C9orf85: variants seen among roughly 807,000 people sequenced by gnomAD.
C9orf85 encodes chromosome 9 open reading frame 85, also known as uncharacterized protein C9orf85.
In C9orf85, 16 loss-of-function variants were observed where a neutral mutation model predicts 14.9. The ratio of observed to expected loss-of-function variants is 1.08; its 90% CI spans 0.73 to 1.63. The LOEUF is 1.63. Among genes scored for constraint, C9orf85 ranks in the 40% most tolerant of loss-of-function variants. The probability of loss-of-function intolerance (pLI) is 0.00; values close to 1 mark genes in which losing one functional copy is unlikely to be tolerated. For missense variants in C9orf85, 172 were observed against 186.1 expected (o/e 0.92, Z 0.44); for synonymous variants, 45 against 56.8 (o/e 0.79, Z 0.93).
At chr9:71,961,350 A>C (rs897074471) in intron 2 of C9orf85, among the ~76,000 whole-genome samples, 4 of 152,028 alleles carry the variant, frequency 2.6e-5, no homozygotes, top group Non-Finnish European at 5.9e-5. Context: ...TCATGAGGTC[A>C]GAAGTTCGAG....
intron 2 of C9orf85, among the ~76,000 whole-genome samples, chr9:71,959,297 C>T (rs1822454520): frequency 6.6e-6 from 1 of 151,890 alleles, no homozygotes; most frequent in South Asian, 2.1e-4. Flanking sequence ...CCCACCATGC[C>T]CGGCTAATTT....
chr9:71,960,013 T>C (rs951881951), intron 2 of C9orf85, among the ~76,000 whole-genome samples: 1 of 152,198 alleles, frequency 6.6e-6, no homozygotes, highest in Non-Finnish European at 1.5e-5. Flanking sequence ...TACCATCTAT[T>C]TGGAGAGAGA....
intron 2 of C9orf85, among the ~76,000 whole-genome samples, chr9:71,956,204 TGG>T (rs1822374485): frequency 6.6e-6 from 1 of 151,810 alleles, no homozygotes; most frequent in Non-Finnish European, 1.5e-5. Context: ...TAATAAGCAT[TGG>T]GTATCACAAT....
At chr9:71,946,468 T>C (rs1041988133) in intron 1 of C9orf85, among the ~76,000 whole-genome samples, 17 of 152,166 alleles carry the variant, frequency 1.1e-4, no homozygotes, top group African/African-American at 3.9e-4. Context: ...TTGACACATA[T>C]ATACATCAGA....
intron 1 of C9orf85, among the ~76,000 whole-genome samples, chr9:71,927,266 CAAAAAA>C (rs61679762): frequency 1.9e-5 from 2 of 106,778 alleles, no homozygotes; most frequent in Admixed American, 9.4e-5. Context: ...GAAAGTTTGT[CAAAAAA>C]AAAAAAAAAA....
At chr9:71,924,948 G>A (rs1827895909) in intron 1 of C9orf85, among the ~76,000 whole-genome samples, 1 of 151,982 alleles carries the variant, frequency 6.6e-6, no homozygotes, top group Non-Finnish European at 1.5e-5. Flanking sequence ...TAGTATTGTG[G>A]TTACTTTTAC....
rs577191294 is a variant in C9orf85 at position 71,918,056 on chromosome 9, G to C, written c.102+6220G>C. ...AAATTAGCCAGGCGTGGTGGTGGCC[G>C]CCTGTAATCCCAGCTATTTGGGAGG... On this transcript the variant is annotated intron_variant, in intron 1 of 3. Transcript: ENST00000334731. 1.1e-3 allele frequency among the ~76,000 whole-genome samples: 174 copies of C among 152,148 alleles called. 2 individuals are homozygous for C. The highest frequency in any genetic ancestry group is 2.0e-3 in the Admixed American group (31 of 15,294).
At chr9:71,913,975 C>A (rs781507303) in intron 1 of C9orf85, among the ~76,000 whole-genome samples, 13 of 152,104 alleles carry the variant, frequency 8.5e-5, no homozygotes, top group Non-Finnish European at 1.6e-4. Flanking sequence ...ATTGAAGGTT[C>A]TGACAAAAAC....
At chr9:71,940,278 A>T (rs1456480915) in intron 1 of C9orf85, among the ~76,000 whole-genome samples, 1 of 152,176 alleles carries the variant, frequency 6.6e-6, no homozygotes, top group Non-Finnish European at 1.5e-5. Context: ...CAAAGAAAAT[A>T]CAGGGTGGGG....
chr9:71,985,764 C>T (rs1280745135), downstream of C9orf85: 1 of 152,202 alleles, frequency 6.6e-6, no homozygotes, highest in Non-Finnish European at 1.5e-5. Flanking sequence ...CAGTGTTTCC[C>T]AGCCGTAAAT....
At chr9:71,977,575 A>T (rs1048019883), downstream of C9orf85, among the ~76,000 whole-genome samples, 1 of 152,254 alleles carries the variant, frequency 6.6e-6, no homozygotes, top group South Asian at 2.1e-4. Flanking sequence ...TGTCACATTT[A>T]TGCAAAGTTA....
chr9:71,962,793 T>C (rs7045704), intron 2 of C9orf85, among the ~76,000 whole-genome samples: 151,442 of 152,320 alleles, frequency 0.99, 75,295 homozygotes, highest in Middle Eastern at 1. Flanking sequence ...CAGTGGCTCA[T>C]GCTTGTAATC....
intron 2 of C9orf85, among the ~76,000 whole-genome samples, chr9:71,964,345 C>G (rs1052403490): frequency 6.6e-5 from 10 of 152,014 alleles, no homozygotes; most frequent in Non-Finnish European, 1.2e-4. Flanking sequence ...GCTGGGGTCC[C>G]CTTCCACACT....
chr9:71,914,369 T>C (rs922563858), intron 1 of C9orf85, among the ~76,000 whole-genome samples: 1 of 152,148 alleles, frequency 6.6e-6, no homozygotes, highest in Admixed American at 6.5e-5. Flanking sequence ...TTAGTGTTAG[T>C]GTATTTTATG....
intron 1 of C9orf85, among the ~76,000 whole-genome samples, chr9:71,944,110 T>C (rs1564090855): frequency 1.3e-5 from 2 of 151,676 alleles, no homozygotes; most frequent in East Asian, 4.0e-4. Context: ...GGTGCACGCC[T>C]GTAATCCCAG....
At chr9:71,918,414 C>T (rs1458771578) in intron 1 of C9orf85, 4 of 1,300,640 alleles carry the variant, frequency 3.1e-6, no homozygotes, top group East Asian at 1.1e-4. Context: ...TCATCTTTAC[C>T]TTTTTGTAAG....
Position 71,911,651 on chromosome 9 carries a change from G to A in C9orf85, c.-84G>A, listed in dbSNP as rs147893193. The A allele has an allele frequency of 1.9e-5, 23 of 1,185,508 alleles. 1 individual carries two copies. Among genetic ancestry groups the A allele is most frequent in the Non-Finnish European group, 2.8e-5 (22 of 791,828 alleles). 73.4% of individuals were successfully genotyped at this position (1,185,508 alleles called of 1,614,324 possible). Reference sequence around the variant, plus strand: ...TTTCTTCCGGGTCATTGACAGAAGCGTCAATTCCTGGGAGTAGTTCGTTGG... The same window carrying A: ...TTTCTTCCGGGTCATTGACAGAAGCATCAATTCCTGGGAGTAGTTCGTTGG... On this transcript the variant is annotated 5_prime_UTR_variant, in exon 1 of 4. Coordinates refer to ENST00000334731, the MANE Select transcript of C9orf85 (RefSeq NM_182505.5).
At chr9:71,964,415 C>T (rs993027593) in intron 2 of C9orf85, among the ~76,000 whole-genome samples, 1 of 152,056 alleles carries the variant, frequency 6.6e-6, no homozygotes, top group Non-Finnish European at 1.5e-5. Flanking sequence ...GTCTACACTG[C>T]CTTTATAAGC....
chr9:71,979,048 T>G (rs944703399), intron 3 of C9orf85, among the ~76,000 whole-genome samples: 1 of 96,742 alleles, frequency 1.0e-5, no homozygotes, highest in Admixed American at 1.1e-4. Context: ...AAAAAAAATG[T>G]TTTTTTGCTT....
Sources: allele counts gnomAD v4.1 joint callset (sites outside exome capture counted in the v4.1 genomes callset), GRCh38; gene constraint gnomAD v4.1.1; transcripts MANE v1.5; gene names NCBI Gene and HGNC (gene_info 2026-07-23, HGNC 2026-07-21).